The following POU6F2 variants were observed in gnomAD, a reference collection of about 807,000 sequenced individuals.
POU6F2 encodes POU class 6 homeobox 2.
A neutral mutation model predicts 71.3 loss-of-function variants in POU6F2; 31 were observed. The observed-to-expected ratio is 0.43, with a 90% CI of 0.33 to 0.59. The LOEUF is 0.59. POU6F2 is among the 20% of genes least tolerant of loss of function. The pLI is 0.04. For missense variants in POU6F2, 783 were observed against 856.8 expected, an observed-to-expected ratio of 0.91 and a Z score of 1.07; for synonymous variants, 347 against 355.7, an observed-to-expected ratio of 0.98 and a Z score of 0.27.
intron 2 of POU6F2, among the ~76,000 whole-genome samples, chr7:39,150,667 C>T (rs1792738567): frequency 6.6e-6 from 1 of 151,672 alleles, no homozygotes; most frequent in African/African-American, 2.4e-5. Flanking sequence ...GGGGTTTCGT[C>T]ATGTTGGCCA....
chr7:39,349,686 T>C (rs900074286), intron 5 of POU6F2, among the ~76,000 whole-genome samples: 8 of 152,212 alleles, frequency 5.3e-5, no homozygotes, highest in African/African-American at 1.7e-4. Flanking sequence ...CTGTGGGGCA[T>C]TGTCTTAGTT....
At chr7:39,164,869 C>T (rs1793079164) in intron 2 of POU6F2, among the ~76,000 whole-genome samples, 1 of 152,092 alleles carries the variant, frequency 6.6e-6, no homozygotes, top group Non-Finnish European at 1.5e-5. Flanking sequence ...CTCCAGTAAG[C>T]CAGATAAGTC....
chr7:39,437,777 C>A, intron 7 of POU6F2, among the ~76,000 whole-genome samples: 1 of 152,104 alleles, frequency 6.6e-6, no homozygotes, highest in East Asian at 1.9e-4. Flanking sequence ...AATTTCCCCC[C>A]TTAACACTGC....
chr7:39,138,441 T>A (rs1237710278), intron 2 of POU6F2, among the ~76,000 whole-genome samples: 1 of 152,194 alleles, frequency 6.6e-6, no homozygotes, highest in African/African-American at 2.4e-5. Flanking sequence ...CAACTCTTCA[T>A]CACTCACATT....
At chr7:38,989,085 C>T (rs373803246) in intron 1 of POU6F2, among the ~76,000 whole-genome samples, 28 of 152,110 alleles carry the variant, frequency 1.8e-4, no homozygotes, top group African/African-American at 6.3e-4. Context: ...AGGAGCAAAT[C>T]GGTGCTCTTT....
intron 4 of POU6F2, among the ~76,000 whole-genome samples, chr7:39,251,666 T>C (rs1357723578): frequency 1.3e-5 from 2 of 152,146 alleles, no homozygotes; most frequent in Non-Finnish European, 2.9e-5. Flanking sequence ...CCAGCTGAGC[T>C]CCTGTTTCTG....
chr7:38,978,363 T>C (rs1469303585), intron 1 of POU6F2, among the ~76,000 whole-genome samples: 2 of 152,232 alleles, frequency 1.3e-5, no homozygotes, highest in Admixed American at 1.3e-4. Context: ...TGCTTTCTTT[T>C]TGGATTTTGA....
At chr7:39,192,967 T>C (rs1162579105) in intron 2 of POU6F2, among the ~76,000 whole-genome samples, 1 of 152,142 alleles carries the variant, frequency 6.6e-6, no homozygotes, top group Non-Finnish European at 1.5e-5. Flanking sequence ...GAAAGAATTA[T>C]GAACTCAAAC....
chr7:39,206,495 A>C (rs941913829), intron 3 of POU6F2, among the ~76,000 whole-genome samples: 1 of 152,252 alleles, frequency 6.6e-6, no homozygotes, highest in African/African-American at 2.4e-5. Context: ...TCCACATCAA[A>C]TATTTTTATG....
chr7:39,221,347 A>G (rs1794353614), intron 4 of POU6F2, among the ~76,000 whole-genome samples: 1 of 148,770 alleles, frequency 6.7e-6, no homozygotes, highest in Non-Finnish European at 1.5e-5. Flanking sequence ...TTTTATGCGC[A>G]ATTTCCATTG....
At chr7:39,252,650 A>G (rs1584626590) in intron 4 of POU6F2, among the ~76,000 whole-genome samples, 1 of 152,144 alleles carries the variant, frequency 6.6e-6, no homozygotes, top group South Asian at 2.1e-4. Context: ...GTTTGGAGAA[A>G]CCTAACAGCC....
At chr7:39,035,212 T>C (rs987413938) in intron 1 of POU6F2, among the ~76,000 whole-genome samples, 2 of 152,180 alleles carry the variant, frequency 1.3e-5, no homozygotes, top group African/African-American at 4.8e-5. Context: ...TTTGTGTTGA[T>C]ATCTCAAGCT....
intron 5 of POU6F2, among the ~76,000 whole-genome samples, chr7:39,393,365 G>A (rs1787111884): frequency 6.6e-6 from 1 of 152,124 alleles, no homozygotes; most frequent in African/African-American, 2.4e-5. Context: ...TCTGGCACGG[G>A]TGTGGCAGAT....
chr7:39,019,649 CTT>C (rs70977448), intron 1 of POU6F2, among the ~76,000 whole-genome samples: 72 of 137,764 alleles, frequency 5.2e-4, no homozygotes, highest in South Asian at 9.1e-4. Context: ...TTTCTTTTTT[CTT>C]TTTTTTTTTT....
intron 2 of POU6F2, among the ~76,000 whole-genome samples, chr7:39,141,191 C>G (rs560886761): frequency 6.6e-6 from 1 of 152,034 alleles, no homozygotes; most frequent in African/African-American, 2.4e-5. Flanking sequence ...AGAATGAGAG[C>G]GCATAAAAGC....
chr7:39,246,203 G>A (rs1304580448), intron 4 of POU6F2, among the ~76,000 whole-genome samples: 1 of 152,138 alleles, frequency 6.6e-6, no homozygotes, highest in African/African-American at 2.4e-5. Context: ...AAGCAAATAT[G>A]TTCTGAGCCC....
At chr7:39,029,573 T>G (rs757777384) in intron 1 of POU6F2, among the ~76,000 whole-genome samples, 1 of 152,102 alleles carries the variant, frequency 6.6e-6, no homozygotes, top group African/African-American at 2.4e-5. Context: ...AAGCCCTGAC[T>G]TCACAACACC....
chr7:39,460,305 G>T lies in POU6F2; in HGVS notation c.1490-242G>T, dbSNP rs1470285030. On this transcript the variant is annotated intron_variant, in intron 8 of 9. Coordinates refer to ENST00000518318, the MANE Select transcript of POU6F2 (RefSeq NM_001370959.1). This position sits in a 1 kb window ranked among gnomAD's most constrained non-coding sequence, Gnocchi z 4.4. ...ATGCTCTGGCATTGGGGAAGTGGCA[G>T]TGTGAACAAGCTGTGGTTTTATCTG... is the stretch of plus-strand genomic sequence containing the variant. 6.6e-6 allele frequency among the ~76,000 whole-genome samples: 1 copy of T among 152,204 alleles called. No individual in the cohort carries two copies. The highest frequency in any genetic ancestry group is 1.5e-5 in the Non-Finnish European group (1 of 68,032).
At chr7:39,165,757 G>C (rs912991269) in intron 2 of POU6F2, among the ~76,000 whole-genome samples, 1 of 152,158 alleles carries the variant, frequency 6.6e-6, no homozygotes, top group Non-Finnish European at 1.5e-5. Flanking sequence ...GAAGAGGGGG[G>C]AAACAGGAGA....
Sources: allele counts gnomAD v4.1 joint callset (sites outside exome capture counted in the v4.1 genomes callset), GRCh38; gene constraint gnomAD v4.1.1; non-coding constraint Gnocchi (gnomAD v3.1); transcripts MANE v1.5; gene names NCBI Gene and HGNC (gene_info 2026-07-23, HGNC 2026-07-21).